Variants in SEMA4F observed in about 807,000 individuals in gnomAD.
SEMA4F encodes the protein ssemaphorin 4F.
A neutral mutation model predicts 78.4 loss-of-function variants in SEMA4F; 51 were observed. The ratio of observed to expected loss-of-function variants is 0.65; its 90% confidence interval spans 0.52 to 0.82. SEMA4F has a LOEUF of 0.82. SEMA4F is among the 40% of genes least tolerant of loss of function. The pLI is 0.00. For missense variants in SEMA4F, 938 were observed against 1,014.4 expected (o/e 0.92, Z 1.02); for synonymous variants, 418 against 408.7 (o/e 1.02, Z -0.27).
At position 74,679,959 on chromosome 2, in the gene SEMA4F, G is replaced by A. The variant is rs1685510347; in HGVS notation, c.2063G>A (p.Arg688Gln). The change falls in exon 14 of 14, where the codon CGA (arginine) becomes CAA (glutamine). Residue 688 changes from arginine to glutamine, a missense_variant. Arg to Gln is a conservative substitution (Grantham distance 43). Transcript: ENST00000357877. Reference protein sequence around the residue: ...ILIGRRQQRRRQRELLARDKV... With the variant: ...ILIGRRQQRRQQRELLARDKV... ...ATTGGTCGGCGTCAGCAGCGACGGC[G>A]ACAGAGGGAACTTCTGGCTAGAGAC... 1.9e-6 allele frequency: 3 copies of A among 1,614,216 alleles called. No individual in the cohort carries two copies. The highest frequency in any genetic ancestry group is 1.1e-5 in the South Asian group (1 of 91,086).
In SEMA4F at chr2:74,657,918, C is replaced by G. The variant is rs777019896; in HGVS notation, c.423C>G (p.Gly141=). Residue 141 remains glycine, a synonymous_variant, in exon 4 of 14, where the codon GGC becomes GGG. Coordinates refer to ENST00000357877, the MANE Select transcript of SEMA4F (RefSeq NM_004263.5). ...IANASHLLTC[G]TFAFDPKCGV... ...ATGCCTCTCACCTCCTCACTTGTGG[C>G]ACCTTCGCTTTTGATCCGAAGTGCG... 1 of 1,614,238 alleles carries G rather than the reference C, an allele frequency of 6.2e-7. No individual in the cohort carries two copies. The highest frequency in any genetic ancestry group is 1.7e-5 in the Admixed American group (1 of 60,034).
chr2:74,656,053 G>A (rs970683436), intron 1 of SEMA4F, among the ~76,000 whole-genome samples: 6 of 151,664 alleles, frequency 4.0e-5, no homozygotes, highest in African/African-American at 1.5e-4. Flanking sequence ...CTGTCACCCA[G>A]GCTGGTGTGC....
At chr2:74,673,370 C>A in intron 5 of SEMA4F, 87 bp from the exon 6 acceptor site, 1 of 1,541,800 alleles carries the variant, frequency 6.5e-7, no homozygotes, top group Non-Finnish European at 8.9e-7. Flanking sequence ...GAGTCGCTGC[C>A]CTGCTTTATG....
Position 74,654,453 on chromosome 2 carries a change from C to T in SEMA4F, c.77C>T (p.Ala26Val), listed in dbSNP as rs751518238. ...TASPFPLLLLAVLSGPVSGRV... is the reference protein window; with the variant it reads ...TASPFPLLLLVVLSGPVSGRV... ...TCGCCCTTCCCGCTACTGCTGCTGGCGGTGCTGAGCGGCCCGGTATCCGGC... is the reference window on the plus strand; with the variant it reads ...TCGCCCTTCCCGCTACTGCTGCTGGTGGTGCTGAGCGGCCCGGTATCCGGC... Residue 26 changes from alanine to valine, a missense_variant, in exon 1 of 14, where the codon GCG (alanine) becomes GTG (valine). Transcript: ENST00000357877. 2.2e-4 allele frequency: 339 copies of T among 1,574,088 alleles called. No individual in the cohort carries two copies. Among genetic ancestry groups the T allele is most frequent in the Non-Finnish European group, 2.8e-4 (328 of 1,165,556 alleles).
chr2:74,683,586 A>G lies in SEMA4F; in HGVS notation c.*3377A>G, dbSNP rs766578222. Reference sequence around the variant, plus strand: ...CAGCTGTGGCATAGAGGATTGTGAGAAAGGGTCCCCATGCTTGGTGTGGAA... The same window carrying G: ...CAGCTGTGGCATAGAGGATTGTGAGGAAGGGTCCCCATGCTTGGTGTGGAA... On this transcript the variant is annotated 3_prime_UTR_variant, in exon 14 of 14. Transcript: ENST00000357877. The G allele has an allele frequency of 2.6e-5, 4 of 152,354 alleles. No individual in the cohort carries two copies. The highest frequency in any genetic ancestry group is 6.5e-5 in the Admixed American group (1 of 15,282). The allele number at this position is 152,354 out of a possible 1,614,324, so 9.4% of individuals were successfully genotyped here. A position where few individuals can be genotyped will look rare whatever the true frequency, so the allele number is the denominator to read the frequency against.
the SEMA4F span, among the ~76,000 whole-genome samples, chr2:74,688,864 A>G: frequency 6.6e-6 from 1 of 152,226 alleles, no homozygotes; most frequent in Non-Finnish European, 1.5e-5. Context: ...CCAACTACTT[A>G]TGTATCAATT....
chr2:74,703,296 A>G, the SEMA4F span, among the ~76,000 whole-genome samples: 1 of 152,216 alleles, frequency 6.6e-6, no homozygotes, highest in African/African-American at 2.4e-5. Context: ...TTAAGGAAAT[A>G]AGACAGGATT....
intron 8 of SEMA4F, 30 bp downstream of exon 8, chr2:74,674,706 C>G: frequency 6.2e-7 from 1 of 1,608,366 alleles, no homozygotes; most frequent in East Asian, 2.2e-5. Context: ...AGGAGAGTTA[C>G]AGGGTGGGAG....
rs192738554 is a variant in SEMA4F, at chr2:74,667,300, G to A, written c.550+4475G>A. Among the ~76,000 whole-genome samples the A allele has an allele frequency of 5.3e-5, 8 of 152,316 alleles. No individual in the cohort carries two copies. The East Asian group carries it at 7.7e-4, about 15-fold the overall frequency. ...TGCATTAATCTACTTAATTGCATAT[G>A]AGTCAATCCAAAAAGTGGAATTGCT... On this transcript the variant is annotated intron_variant, in intron 5 of 13. Transcript: ENST00000357877.
chr2:74,662,395 C>G (rs1319151480), intron 4 of SEMA4F, among the ~76,000 whole-genome samples: 1 of 152,194 alleles, frequency 6.6e-6, no homozygotes, highest in Admixed American at 6.5e-5. Flanking sequence ...CCCTACAGTT[C>G]AGCAGTGTTT....
chr2:74,687,340 C>T (rs1471489037), downstream of SEMA4F, among the ~76,000 whole-genome samples: 2 of 152,214 alleles, frequency 1.3e-5, no homozygotes, highest in Non-Finnish European at 2.9e-5. Flanking sequence ...TAAAGTAGCT[C>T]CCAGTTACTT....
At chr2:74,678,575 C>A (rs1456982205) in intron 12 of SEMA4F, among the ~76,000 whole-genome samples, 2 of 152,198 alleles carry the variant, frequency 1.3e-5, no homozygotes, top group African/African-American at 4.8e-5. Context: ...TCACTGACAA[C>A]CCTAGTGTAG....
At chr2:74,666,976 C>T (rs1684728970) in intron 5 of SEMA4F, among the ~76,000 whole-genome samples, 1 of 152,008 alleles carries the variant, frequency 6.6e-6, no homozygotes, top group South Asian at 2.1e-4. Flanking sequence ...CAAGTAACCA[C>T]TATTATTATT....
the SEMA4F span, among the ~76,000 whole-genome samples, chr2:74,700,967 A>G: frequency 6.6e-6 from 1 of 152,206 alleles, no homozygotes; most frequent in Non-Finnish European, 1.5e-5. Context: ...CTAGTAAAAC[A>G]TGAAATTGGA....
chr2:74,670,454 G>T (rs148492342), intron 5 of SEMA4F, among the ~76,000 whole-genome samples: 94 of 152,254 alleles, frequency 6.2e-4, no homozygotes, highest in African/African-American at 2.0e-3. Context: ...GAGTGACTGC[G>T]CACTTCTCAG....
chr2:74,703,863 G>T, the SEMA4F span, among the ~76,000 whole-genome samples: 1 of 152,192 alleles, frequency 6.6e-6, no homozygotes, highest in Non-Finnish European at 1.5e-5. Context: ...CTTTCTTAAG[G>T]CTTTGGGTTT....
the SEMA4F span, among the ~76,000 whole-genome samples, chr2:74,701,561 T>G: frequency 7.2e-5 from 11 of 152,316 alleles, no homozygotes; most frequent in Admixed American, 5.2e-4. Context: ...AGTCCATTGC[T>G]CTGAGCTCTC....
intron 5 of SEMA4F, among the ~76,000 whole-genome samples, chr2:74,663,735 A>G (rs542354132): frequency 2.0e-5 from 3 of 152,206 alleles, no homozygotes; most frequent in Non-Finnish European, 4.4e-5. Flanking sequence ...GCACCAAGCC[A>G]TTCATGAAAC....
chr2:74,666,052 C>T (rs1475761101), intron 5 of SEMA4F, among the ~76,000 whole-genome samples: 3 of 152,024 alleles, frequency 2.0e-5, no homozygotes, highest in African/African-American at 7.2e-5. Flanking sequence ...AGATTACAGG[C>T]GCCCACCACC....
Sources: allele counts gnomAD v4.1 joint callset (sites outside exome capture counted in the v4.1 genomes callset), GRCh38; gene constraint gnomAD v4.1.1; transcripts MANE v1.5; gene names NCBI Gene and HGNC (gene_info 2026-07-23, HGNC 2026-07-21).